Variants in NIBAN1 observed in about 807,000 individuals in gnomAD.
NIBAN1 encodes niban apoptosis regulator 1.
Under a neutral mutation model 75.1 loss-of-function variants are expected in NIBAN1, and 81 were observed. The observed-to-expected ratio is 1.08, with a 90% CI of 0.90 to 1.30. The LOEUF (loss-of-function observed/expected upper bound fraction) is 1.30, where lower values mean the gene tolerates loss of function less well. NIBAN1 is among the 50% of genes most tolerant of loss of function. The probability of loss-of-function intolerance (pLI) is 0.00; values close to 1 mark genes in which losing one functional copy is unlikely to be tolerated. For missense variants in NIBAN1, 1,133 were observed against 1,128.1 expected (o/e 1.00, Z -0.06); for synonymous variants, 436 against 424.8 (o/e 1.03, Z -0.32).
intron 5 of NIBAN1, among the ~76,000 whole-genome samples, chr1:184,869,209 A>G (rs1656034756): frequency 1.3e-5 from 2 of 152,186 alleles, no homozygotes; most frequent in African/African-American, 4.8e-5. Context: ...CTCGGACAGA[A>G]GAAGGGGATA....
chr1:184,841,124 G>A (rs1655275252), intron 5 of NIBAN1, among the ~76,000 whole-genome samples: 1 of 152,112 alleles, frequency 6.6e-6, no homozygotes, highest in South Asian at 2.1e-4. Context: ...ATCCAAAATG[G>A]GGTACAATAC....
intron 1 of NIBAN1, among the ~76,000 whole-genome samples, chr1:184,920,657 A>T (rs895837778): frequency 2.6e-5 from 4 of 152,186 alleles, no homozygotes; most frequent in Admixed American, 2.6e-4. Context: ...TAAATATCTT[A>T]ATTATTATTA....
chr1:184,818,932 C>A, intron 8 of NIBAN1, 107 bp from the exon 9 acceptor site: 1 of 1,275,534 alleles, frequency 7.8e-7, no homozygotes, highest in South Asian at 1.5e-5. Flanking sequence ...ATTTAACAGC[C>A]AAGGCAAGCT....
chr1:184,842,651 G>C (rs1363036028), intron 5 of NIBAN1, among the ~76,000 whole-genome samples: 1 of 151,766 alleles, frequency 6.6e-6, no homozygotes. Flanking sequence ...TACTCTAGAA[G>C]CTGAGGCAGG....
intron 1 of NIBAN1, among the ~76,000 whole-genome samples, chr1:184,939,769 T>C (rs1658044663): frequency 6.6e-6 from 1 of 152,164 alleles, no homozygotes; most frequent in East Asian, 1.9e-4. Context: ...GTCAAGGGCT[T>C]ACTGCCGTAC....
chr1:184,901,583 C>G (rs1291246852), intron 1 of NIBAN1, among the ~76,000 whole-genome samples: 2 of 152,118 alleles, frequency 1.3e-5, no homozygotes, highest in East Asian at 3.8e-4. Flanking sequence ...GTCCAAGTAG[C>G]CACTGTTTGG....
chr1:184,877,149 A>G (rs894674690), intron 5 of NIBAN1, among the ~76,000 whole-genome samples: 19 of 152,216 alleles, frequency 1.2e-4, no homozygotes, highest in African/African-American at 2.4e-5. Flanking sequence ...ATGTAATAGA[A>G]TATGTTTAGC....
At chr1:184,917,710 C>T (rs954620012) in intron 1 of NIBAN1, among the ~76,000 whole-genome samples, 16 of 152,078 alleles carry the variant, frequency 1.1e-4, no homozygotes, top group African/African-American at 3.9e-4. Context: ...AAGACCCCCC[C>T]AATATTTTTC....
At chr1:184,863,072 A>G (rs1655859091) in intron 5 of NIBAN1, among the ~76,000 whole-genome samples, 1 of 152,060 alleles carries the variant, frequency 6.6e-6, no homozygotes, top group Non-Finnish European at 1.5e-5. Flanking sequence ...GTCCTCCTTA[A>G]AAGAGTTCTG....
Position 184,818,822 on chromosome 1 carries a change from A to G in NIBAN1, c.989T>C (p.Met330Thr). ...KNYLIGKIKA[M>T]VAQPAEKSCL... ...GCTTTTCTCCGCCGGCTGGGCCACCATCGCTGAGGTAGGAAATAGCCAAAA... is the reference window on the plus strand; with the variant it reads ...GCTTTTCTCCGCCGGCTGGGCCACCGTCGCTGAGGTAGGAAATAGCCAAAA... The change falls in exon 9 of 14, where the codon ATG becomes ACG. Residue 330 changes from methionine (M) to threonine (T), a missense_variant. Physicochemically the swap from Met to Thr is moderately conservative, Grantham distance 81. Transcript: ENST00000367511. 8.2e-6 allele frequency: 13 copies of G among 1,588,222 alleles called. No homozygotes were observed. Among genetic ancestry groups the G allele is most frequent in the Non-Finnish European group, 1.1e-5 (13 of 1,162,740 alleles).
chr1:184,881,042 T>C (rs948023536), intron 5 of NIBAN1, among the ~76,000 whole-genome samples: 1 of 151,790 alleles, frequency 6.6e-6, no homozygotes, highest in Non-Finnish European at 1.5e-5. Context: ...GCCTGCCCAA[T>C]GAAGAGGTGC....
intron 1 of NIBAN1, among the ~76,000 whole-genome samples, chr1:184,959,819 T>C (rs1411415286): frequency 6.6e-6 from 1 of 152,242 alleles, no homozygotes; most frequent in Non-Finnish European, 1.5e-5. Context: ...CTTTGGATGA[T>C]GGAAGCATGA....
chr1:184,917,345 A>G (rs12728551), intron 1 of NIBAN1, among the ~76,000 whole-genome samples: 58,785 of 145,846 alleles, frequency 0.4, 13,034 homozygotes, highest in South Asian at 0.55. Context: ...GGGACTACAG[A>G]CACCCGCCAC....
intron 9 of NIBAN1, among the ~76,000 whole-genome samples, chr1:184,815,966 C>G (rs1044786727): frequency 6.6e-6 from 1 of 152,134 alleles, no homozygotes; most frequent in Non-Finnish European, 1.5e-5. Flanking sequence ...TTTAAATTCT[C>G]TTGTGAAAGT....
At chr1:184,865,001 A>C (rs574225531) in intron 5 of NIBAN1, among the ~76,000 whole-genome samples, 35 of 152,108 alleles carry the variant, frequency 2.3e-4, no homozygotes, top group Admixed American at 5.2e-4. Context: ...AAAAAAAAAA[A>C]AAAAGAATGC....
chr1:184,870,640 C>T (rs903341035), intron 5 of NIBAN1, among the ~76,000 whole-genome samples: 2 of 152,168 alleles, frequency 1.3e-5, no homozygotes, highest in Non-Finnish European at 2.9e-5. Context: ...GACAGAGCTG[C>T]AAAATGAATG....
rs561850069 is a variant in NIBAN1 at position 184,925,566 on chromosome 1, TTTTG to T, written c.56-26261_56-26258del. Among the ~76,000 whole-genome samples, 66 of 152,228 alleles carry T rather than the reference TTTTG, an allele frequency of 4.3e-4. No individual in the cohort carries two copies. The South Asian group carries it at 0.013, about 29-fold the overall frequency. On this transcript the variant is annotated intron_variant, in intron 1 of 13. Coordinates refer to ENST00000367511, the MANE Select transcript of NIBAN1 (RefSeq NM_052966.4). ...GTTTTTAATTTCTTTATTTTTATTTTTTTGTTTGTTATATGATTTTTTTATTTGA... is the reference window on the plus strand; with the variant it reads ...GTTTTTAATTTCTTTATTTTTATTTTTTTGTTATATGATTTTTTTATTTGA...
At chr1:184,828,721 C>T (rs927359936) in intron 6 of NIBAN1, among the ~76,000 whole-genome samples, 2 of 152,172 alleles carry the variant, frequency 1.3e-5, no homozygotes, top group African/African-American at 2.4e-5. Flanking sequence ...GGGTGCTGGA[C>T]AAATAATCCT....
Position 184,956,706 on chromosome 1 carries a change from T to C in NIBAN1, c.55+17596A>G, listed in dbSNP as rs1658499644. On this transcript the variant is annotated intron_variant, in intron 1 of 13. Coordinates refer to ENST00000367511, the MANE Select transcript of NIBAN1 (RefSeq NM_052966.4). ...TCAATAAAATTGGTTTCTTTTATCA[T>C]CCTCTCTATATTTTTTTCATTTAAA... 3.3e-5 allele frequency among the ~76,000 whole-genome samples: 5 copies of C among 152,322 alleles called. No individual in the cohort carries two copies. The South Asian group carries it at 8.3e-4, about 25-fold the overall frequency.
Sources: allele counts gnomAD v4.1 joint callset (sites outside exome capture counted in the v4.1 genomes callset), GRCh38; gene constraint gnomAD v4.1.1; transcripts MANE v1.5; gene names NCBI Gene and HGNC (gene_info 2026-07-23, HGNC 2026-07-21).